The following ENTPD3 variants were observed in gnomAD, a reference collection of about 807,000 sequenced individuals.
ENTPD3 encodes ectonucleoside triphosphate diphosphohydrolase 3.
ENTPD3 carries 60 observed loss-of-function variants against 51.2 expected under a neutral mutation model. The observed-to-expected ratio is 1.17, with a 90% CI of 0.95 to 1.45. ENTPD3 has a LOEUF of 1.45. Among genes scored for constraint, ENTPD3 ranks in the 40% most tolerant of loss-of-function variants. The probability of loss-of-function intolerance (pLI) is 0.00; values close to 1 mark genes in which losing one functional copy is unlikely to be tolerated. For synonymous variants in ENTPD3, 221 were observed against 238.4 expected (o/e 0.93, Z 0.67); for missense variants, 593 against 641.1 (o/e 0.93, Z 0.81).
At chr3:40,415,265 T>G (rs997374131) in intron 6 of ENTPD3, among the ~76,000 whole-genome samples, 3 of 152,006 alleles carry the variant, frequency 2.0e-5, no homozygotes, top group African/African-American at 7.3e-5. Flanking sequence ...TTCCCAGGTC[T>G]CCTCACAGTC....
intron 4 of ENTPD3, among the ~76,000 whole-genome samples, chr3:40,405,898 C>CATTG (rs1327637436): frequency 6.6e-6 from 1 of 152,156 alleles, no homozygotes; most frequent in African/African-American, 2.4e-5. Context: ...TTGAAAGTCT[C>CATTG]ATTGATTGAT....
chr3:40,388,264 AG>A (rs1160786590), intron 2 of ENTPD3, among the ~76,000 whole-genome samples, 167 bp downstream of exon 2: 2 of 152,186 alleles, frequency 1.3e-5, no homozygotes, highest in Non-Finnish European at 2.9e-5. Flanking sequence ...CTCAAATAAA[AG>A]TAATGCTTTT....
At chr3:40,409,310 T>TAGGA (rs1418627067) in intron 4 of ENTPD3, among the ~76,000 whole-genome samples, 1 of 152,202 alleles carries the variant, frequency 6.6e-6, no homozygotes, top group Non-Finnish European at 1.5e-5. Context: ...TAATTGTTGT[T>TAGGA]ATTGTTATTA....
rs762602807 is a variant in ENTPD3 at position 40,423,992 on chromosome 3, C to T, written c.1353+29C>T. ...AGTTAAGCACAAATCATTTTCTCTT[C>T]TTCTTCCCAACAGAGAGGTTTGTAT... On this transcript the variant is annotated intron_variant, in intron 10 of 10. Coordinates refer to ENST00000301825, the MANE Select transcript of ENTPD3 (RefSeq NM_001248.4). The T allele has an allele frequency of 4.3e-6, 7 of 1,613,788 alleles. No individual in the cohort carries two copies. In the East Asian group the frequency reaches 8.9e-5, roughly 21 times the overall value.
chr3:40,391,909 C>A, intron 2 of ENTPD3, 114 bp from the exon 3 acceptor site: 1 of 1,233,098 alleles, frequency 8.1e-7, no homozygotes, highest in Non-Finnish European at 1.2e-6. Context: ...TCGCTAACAC[C>A]AGAGAAGGTG....
chr3:40,421,023 A>G (rs1479725526), intron 7 of ENTPD3, among the ~76,000 whole-genome samples: 1 of 145,256 alleles, frequency 6.9e-6, no homozygotes, highest in Non-Finnish European at 1.5e-5. Flanking sequence ...TAATTAATTT[A>G]AATTTTTTTT....
intron 5 of ENTPD3, among the ~76,000 whole-genome samples, chr3:40,412,336 T>A (rs1485865657): frequency 6.6e-6 from 1 of 152,208 alleles, no homozygotes; most frequent in Non-Finnish European, 1.5e-5. Context: ...CCCATAGCTA[T>A]GTAGCTTCCG....
At chr3:40,405,822 C>T (rs1955480953) in intron 4 of ENTPD3, among the ~76,000 whole-genome samples, 2 of 152,176 alleles carry the variant, frequency 1.3e-5, no homozygotes, top group African/African-American at 4.8e-5. Flanking sequence ...CAGCTCCTTG[C>T]AGATTATATT....
chr3:40,388,572 G>T, intron 2 of ENTPD3, among the ~76,000 whole-genome samples: 1 of 94,134 alleles, frequency 1.1e-5, no homozygotes, highest in East Asian at 3.4e-4. Flanking sequence ...ACACTGGAAG[G>T]CACACACACA....
At chr3:40,388,585 G>GACACACACACACACACACACAC (rs55657804) in intron 2 of ENTPD3, among the ~76,000 whole-genome samples, 1 of 126,172 alleles carries the variant, frequency 7.9e-6, no homozygotes, top group Non-Finnish European at 1.7e-5. Flanking sequence ...CACACACACA[G>GACACACACACACACACACACAC]ACACACACAC....
Position 40,400,881 on chromosome 3 carries a change from C to G in ENTPD3, c.169-13C>G. ...CCCGCCCATTCTGACTCTCCCTTTCCCTTTTTATTCAGTATGGTATTGTGC... is the reference window on the plus strand; with the variant it reads ...CCCGCCCATTCTGACTCTCCCTTTCGCTTTTTATTCAGTATGGTATTGTGC... On this transcript the variant is annotated splice_polypyrimidine_tract_variant and intron_variant, in intron 3 of 10. Coordinates refer to ENST00000301825, the MANE Select transcript of ENTPD3 (RefSeq NM_001248.4). 1.2e-6 allele frequency: 2 copies of G among 1,606,392 alleles called. No homozygotes were observed. Among genetic ancestry groups the G allele is most frequent in the Admixed American group, 3.3e-5 (2 of 59,972 alleles).
At chr3:40,401,324 G>T (rs1268504545) in intron 4 of ENTPD3, among the ~76,000 whole-genome samples, 1 of 152,162 alleles carries the variant, frequency 6.6e-6, no homozygotes, top group Non-Finnish European at 1.5e-5. Context: ...AGACTCCTGG[G>T]TCAGAAATAA....
At chr3:40,391,675 CAAAAA>C in intron 2 of ENTPD3, 4 of 153,140 alleles carry the variant, frequency 2.6e-5, no homozygotes, top group African/African-American at 4.9e-5. Flanking sequence ...GACTCCATCT[CAAAAA>C]AAAAAAAAAA....
chr3:40,424,094 T>A, intron 10 of ENTPD3, 131 bp downstream of exon 10: 3 of 1,502,930 alleles, frequency 2.0e-6, no homozygotes, highest in Non-Finnish European at 2.7e-6. Flanking sequence ...ATCAGACTGA[T>A]CCCTTGTGAG....
intron 3 of ENTPD3, among the ~76,000 whole-genome samples, chr3:40,393,641 G>T (rs1955118409): frequency 7.0e-6 from 1 of 143,230 alleles, no homozygotes; most frequent in South Asian, 2.4e-4. Flanking sequence ...CATGAATAAT[G>T]TGAATTAAAA....
intron 4 of ENTPD3, among the ~76,000 whole-genome samples, chr3:40,411,160 G>A (rs1046435553): frequency 3.3e-5 from 5 of 151,766 alleles, no homozygotes; most frequent in Admixed American, 2.0e-4. Flanking sequence ...GCGTGGTGGT[G>A]CACGCCTGTA....
chr3:40,423,080 T>G lies in ENTPD3; in HGVS notation c.1062T>G (p.Ser354=), dbSNP rs770720390. 1 of 1,614,050 alleles carries G rather than the reference T, an allele frequency of 6.2e-7. No homozygotes were observed. The change falls in exon 8 of 11, where the codon TCT becomes TCG. Residue 354 remains serine, a synonymous_variant. Transcript: ENST00000301825. ...CTTGCCATGATCAAGAAACCTGTTC[T>G]TTTGATGGGGTTTATCAGCCAAAGA... The part of the protein sequence containing the change: ...FKACHDQETC[S]FDGVYQPKIK...
In ENTPD3 at chr3:40,413,916, G is replaced by A. The variant is rs942805298; in HGVS notation, c.438-765G>A. ...TTTCCAAGAAGTGATAATTGGCCAC[G>A]GAATTGGAATGGATCCTGCTTATAG... is the stretch of plus-strand genomic sequence containing the variant. On this transcript the variant is annotated intron_variant, in intron 5 of 10. Coordinates refer to ENST00000301825, the MANE Select transcript of ENTPD3 (RefSeq NM_001248.4). 2.6e-5 allele frequency among the ~76,000 whole-genome samples: 4 copies of A among 152,192 alleles called. No individual in the cohort carries two copies. The East Asian group carries it at 5.8e-4, about 22-fold the overall frequency.
intron 7 of ENTPD3, among the ~76,000 whole-genome samples, chr3:40,420,496 C>T (rs1955844935): frequency 6.6e-6 from 1 of 152,024 alleles, no homozygotes; most frequent in South Asian, 2.1e-4. Context: ...GCCTTGGCCT[C>T]CCAAAGTGCT....
Sources: gnomAD v4.1 joint callset for allele counts (sites outside exome capture counted in the v4.1 genomes callset) on GRCh38, gnomAD v4.1.1 for gene constraint, MANE v1.5 for transcripts, NCBI Gene and HGNC (gene_info 2026-07-23, HGNC 2026-07-21) for gene names.